LARGE1: variants seen among roughly 807,000 people sequenced by gnomAD.
LARGE1 encodes LARGE xylosyl- and glucuronyltransferase 1, also known as xylosyl- and glucuronyltransferase LARGE1.
Under a neutral mutation model 87.6 loss-of-function variants are expected in LARGE1, and 43 were observed. That is an observed-to-expected ratio of 0.49 (90% confidence interval 0.38 to 0.63). The LOEUF is 0.63. Among genes scored for constraint, LARGE1 ranks in the 30% least tolerant of loss-of-function variants. LARGE1 has a pLI of 0.00. For synonymous variants in LARGE1, 434 were observed against 394.6 expected, an observed-to-expected ratio of 1.10 and a Z score of -1.18; for missense variants, 802 against 1,000.2, an observed-to-expected ratio of 0.80 and a Z score of 2.67.
At chr22:33,588,222 G>A (rs918787687) in intron 5 of LARGE1, among the ~76,000 whole-genome samples, 3 of 152,188 alleles carry the variant, frequency 2.0e-5, no homozygotes, top group African/African-American at 7.2e-5. Context: ...AGTGGCAAGT[G>A]AGACATACAT....
chr22:33,715,428 G>A (rs1005114118), intron 2 of LARGE1, among the ~76,000 whole-genome samples: 1 of 152,138 alleles, frequency 6.6e-6, no homozygotes, highest in Non-Finnish European at 1.5e-5. Context: ...ACTGGGTAAC[G>A]CCTGGGTGAC....
At chr22:33,475,423 CATATTTATTTATTTAT>C (rs1194704039) in intron 6 of LARGE1, among the ~76,000 whole-genome samples, 2 of 138,756 alleles carry the variant, frequency 1.4e-5, no homozygotes, top group African/African-American at 5.4e-5. Context: ...ATCAGTGAGT[CATATTTATTTATTTAT>C]TTATTTATTT....
intron 1 of LARGE1, among the ~76,000 whole-genome samples, chr22:33,863,378 G>T (rs527935483): frequency 6.6e-6 from 1 of 152,300 alleles, no homozygotes; most frequent in East Asian, 1.9e-4. Context: ...CCTGCCTCAC[G>T]ATGGGGCCAG....
chr22:33,894,252 C>T (rs2065076823), intron 1 of LARGE1, among the ~76,000 whole-genome samples: 1 of 152,156 alleles, frequency 6.6e-6, no homozygotes, highest in Non-Finnish European at 1.5e-5. Flanking sequence ...TGCAGATCAC[C>T]TGTGGAGTTT....
Position 33,626,228 on chromosome 22 carries a change from C to G in LARGE1, c.491+16G>C. 6.2e-7 allele frequency: 1 copy of G among 1,611,516 alleles called. No homozygotes were observed. The highest frequency in any genetic ancestry group is 8.5e-7 in the Non-Finnish European group (1 of 1,177,636). ...GTGACAGACCTCAGCCCACACAGCA[C>G]AGAAGTTGTTCTTACCTATGGAACA... On this transcript the variant is annotated intron_variant, in intron 4 of 14. Transcript: ENST00000397394.
chr22:33,654,544 CTA>C (rs2080907463), intron 2 of LARGE1, among the ~76,000 whole-genome samples: 1 of 152,158 alleles, frequency 6.6e-6, no homozygotes. Flanking sequence ...TTATTCCTGA[CTA>C]TTCCTTTTTC....
chr22:33,837,686 C>T (rs1014030176), intron 1 of LARGE1, among the ~76,000 whole-genome samples: 3 of 152,166 alleles, frequency 2.0e-5, no homozygotes, highest in Non-Finnish European at 4.4e-5. Context: ...TGAGTGTGTT[C>T]GTATCAAACA....
chr22:33,643,726 G>A (rs2080515917), intron 3 of LARGE1, among the ~76,000 whole-genome samples: 1 of 151,942 alleles, frequency 6.6e-6, no homozygotes, highest in Non-Finnish European at 1.5e-5. Context: ...ATGATAAAGG[G>A]GACATCACCA....
intron 6 of LARGE1, among the ~76,000 whole-genome samples, chr22:33,514,491 A>T (rs2071206871): frequency 6.6e-6 from 1 of 152,248 alleles, no homozygotes; most frequent in African/African-American, 2.4e-5. Context: ...AAACGAAAGT[A>T]ACACAAAATT....
chr22:33,709,065 C>T (rs1321608956), intron 2 of LARGE1, among the ~76,000 whole-genome samples: 1 of 152,150 alleles, frequency 6.6e-6, no homozygotes, highest in African/African-American at 2.4e-5. Context: ...TTACTTTAAT[C>T]ACCTCTGTAA....
rs1006995680 is a variant in LARGE1, at chr22:33,527,407, G to A, written c.787+37441C>T. On this transcript the variant is annotated intron_variant, in intron 6 of 14. Transcript: ENST00000397394. ...ATTACCACGTGGAAGGAGCTCAAAG[G>A]GCCAGTGAGATGATGCAGTGGAGAC... 2.6e-5 allele frequency among the ~76,000 whole-genome samples: 4 copies of A among 152,156 alleles called. No homozygotes were observed. In the East Asian group the frequency reaches 7.7e-4, roughly 29 times the overall value.
chr22:33,650,669 C>G lies in LARGE1; in HGVS notation c.107-1G>C. Reference sequence around the variant, plus strand: ...GGTGACAGAGACACGGGCTTTCCATCTGGGGAGCGAAACACCAGGGAAGCT... The same window carrying G: ...GGTGACAGAGACACGGGCTTTCCATGTGGGGAGCGAAACACCAGGGAAGCT... On this transcript the variant is annotated splice_acceptor_variant, in intron 2 of 14. Coordinates refer to ENST00000397394, the MANE Select transcript of LARGE1 (RefSeq NM_133642.5). LOFTEE classifies it high-confidence loss of function. The G allele has an allele frequency of 6.3e-7, 1 of 1,599,542 alleles. No homozygotes were observed. Among genetic ancestry groups the G allele is most frequent in the Non-Finnish European group, 8.5e-7 (1 of 1,179,930 alleles).
intron 6 of LARGE1, among the ~76,000 whole-genome samples, chr22:33,537,496 G>A (rs1190803668): frequency 6.6e-6 from 1 of 152,122 alleles, no homozygotes; most frequent in African/African-American, 2.4e-5. Context: ...GTATAGTCCA[G>A]GATACTCCCT....
chr22:33,160,482 A>G (rs750406608), downstream of LARGE1, among the ~76,000 whole-genome samples: 24 of 152,364 alleles, frequency 1.6e-4, no homozygotes, highest in Middle Eastern at 3.4e-3. Context: ...GTAGAATACA[A>G]TACGATTCTC....
At chr22:33,366,732 A>G (rs2064607057) in intron 9 of LARGE1, among the ~76,000 whole-genome samples, 1 of 152,164 alleles carries the variant, frequency 6.6e-6, no homozygotes, top group African/African-American at 2.4e-5. Context: ...TGAGTCAATT[A>G]CACCTCTTTC....
At chr22:33,096,566 G>GTTTTTGT in the LARGE1 span, among the ~76,000 whole-genome samples, 7 of 107,884 alleles carry the variant, frequency 6.5e-5, no homozygotes, top group Non-Finnish European at 1.3e-4. Context: ...TTTTGTTTTT[G>GTTTTTGT]TTTTTTTTTT....
At chr22:33,840,533 T>A (rs1488294125) in intron 1 of LARGE1, among the ~76,000 whole-genome samples, 1 of 152,192 alleles carries the variant, frequency 6.6e-6, no homozygotes, top group African/African-American at 2.4e-5. Context: ...GGTTCTAGCA[T>A]CTTTTCTTGC....
intron 10 of LARGE1, among the ~76,000 whole-genome samples, chr22:33,319,364 T>G (rs1936492804): frequency 6.6e-6 from 1 of 152,174 alleles, no homozygotes; most frequent in South Asian, 2.1e-4. Context: ...GCCAAAGTCA[T>G]GCAAGCCAGC....
chr22:33,784,456 C>T (rs781218213), intron 1 of LARGE1, among the ~76,000 whole-genome samples: 4 of 152,216 alleles, frequency 2.6e-5, no homozygotes, highest in Non-Finnish European at 2.9e-5. Context: ...CTGTGTATAG[C>T]GTGGGAGCTC....
Sources: allele counts gnomAD v4.1 joint callset (sites outside exome capture counted in the v4.1 genomes callset), GRCh38; gene constraint gnomAD v4.1.1; transcripts MANE v1.5; gene names NCBI Gene and HGNC (gene_info 2026-07-23, HGNC 2026-07-21).